Variants in FRMD6 observed in about 807,000 individuals in gnomAD.
FRMD6 encodes the protein FERM domain-containing protein 6.
Under a neutral mutation model 73.2 loss-of-function variants are expected in FRMD6, and 37 were observed. The ratio of observed to expected loss-of-function variants is 0.51; its 90% CI spans 0.39 to 0.66. The LOEUF (loss-of-function observed/expected upper bound fraction) is 0.66, where lower values mean the gene tolerates loss of function less well. FRMD6 is among the 30% of genes least tolerant of loss of function. The pLI is 0.00. For missense variants in FRMD6, 714 were observed against 780.5 expected, an observed-to-expected ratio of 0.91 and a Z score of 1.02; for synonymous variants, 273 against 282.2, an observed-to-expected ratio of 0.97 and a Z score of 0.33.
chr14:51,666,003 G>T (rs1893557516), intron 1 of FRMD6, among the ~76,000 whole-genome samples: 1 of 152,210 alleles, frequency 6.6e-6, no homozygotes, highest in African/African-American at 2.4e-5. Context: ...TTTATCAGCA[G>T]CATGAAAATG....
intron 4 of FRMD6, among the ~76,000 whole-genome samples, chr14:51,702,191 A>C (rs1274755384): frequency 2.6e-5 from 4 of 152,056 alleles, no homozygotes; most frequent in Admixed American, 2.6e-4. Context: ...AACAGAGCTG[A>C]GCGAGGAGCT....
At chr14:51,667,585 C>T (rs1893694190) in intron 1 of FRMD6, among the ~76,000 whole-genome samples, 1 of 152,112 alleles carries the variant, frequency 6.6e-6, no homozygotes, top group Non-Finnish European at 1.5e-5. Flanking sequence ...CATACTGAAA[C>T]AAAGGTCAGC....
intron 1 of FRMD6, among the ~76,000 whole-genome samples, chr14:51,521,740 G>C (rs1347405970): frequency 6.6e-6 from 1 of 151,678 alleles, no homozygotes; most frequent in African/African-American, 2.4e-5. Flanking sequence ...AGGCTAGCAG[G>C]GCTATATTGG....
At chr14:51,579,885 C>G (rs1043243128) in intron 2 of FRMD6, among the ~76,000 whole-genome samples, 1 of 152,194 alleles carries the variant, frequency 6.6e-6, no homozygotes, top group Non-Finnish European at 1.5e-5. Context: ...AACAATAAAA[C>G]TGTCTCTTCT....
chr14:51,718,422 T>C (rs1327596125), intron 10 of FRMD6, among the ~76,000 whole-genome samples: 1 of 152,236 alleles, frequency 6.6e-6, no homozygotes, highest in Admixed American at 6.5e-5. Context: ...AGGTCCACAG[T>C]TCCTAATTAT....
chr14:51,437,031 C>A, the FRMD6 span: 1 of 543,604 alleles, frequency 1.8e-6, no homozygotes, highest in Non-Finnish European at 3.2e-6. Flanking sequence ...TACATGTGCA[C>A]AACGTGCAAG....
At chr14:51,418,370 C>A in the FRMD6 span, among the ~76,000 whole-genome samples, 1 of 152,226 alleles carries the variant, frequency 6.6e-6, no homozygotes, top group Non-Finnish European at 1.5e-5. Flanking sequence ...GATGTTGATG[C>A]TGTTCCTTTC....
At chr14:51,583,108 T>G (rs1427456832) in intron 2 of FRMD6, among the ~76,000 whole-genome samples, 1 of 152,216 alleles carries the variant, frequency 6.6e-6, no homozygotes, top group Non-Finnish European at 1.5e-5. Context: ...GAAATTCTCA[T>G]TCCCAACTCT....
At position 51,720,705 on chromosome 14, in the gene FRMD6, C is replaced by G. The variant is rs144073470; in HGVS notation, c.1360+315C>G. 1.4e-4 allele frequency among the ~76,000 whole-genome samples: 22 copies of G among 152,276 alleles called. No homozygotes were observed. In the East Asian group the frequency reaches 3.7e-3, roughly 25 times the overall value. The stretch of plus-strand genomic sequence containing the variant: ...TTTCTGCTTCCCAGATTAAATAAAA[C>G]AGTGGTTAGGACAGCACAGTGGAGT... On this transcript the variant is annotated intron_variant, in intron 11 of 13. Coordinates refer to ENST00000344768, the MANE Select transcript of FRMD6 (RefSeq NM_001267046.2).
intron 1 of FRMD6, chr14:51,491,432 G>A (rs564667390): frequency 1.4e-4 from 21 of 152,262 alleles, no homozygotes; most frequent in African/African-American, 5.1e-4. Flanking sequence ...TCCTAGTTCT[G>A]GTGAAATATG....
At chr14:51,677,391 T>A (rs1456984649) in intron 1 of FRMD6, among the ~76,000 whole-genome samples, 1 of 152,000 alleles carries the variant, frequency 6.6e-6, no homozygotes, top group Admixed American at 6.6e-5. Flanking sequence ...GCAGTTCCTG[T>A]GTCAGAGGGA....
chr14:51,473,772 T>C, the FRMD6 span, among the ~76,000 whole-genome samples: 1 of 152,094 alleles, frequency 6.6e-6, no homozygotes, highest in South Asian at 2.1e-4. Context: ...CTCCCACTTA[T>C]TACTAAGGAC....
chr14:51,539,046 G>A (rs1262396494), intron 1 of FRMD6, among the ~76,000 whole-genome samples: 2 of 152,036 alleles, frequency 1.3e-5, no homozygotes, highest in Non-Finnish European at 2.9e-5. Flanking sequence ...TTGGACTCAG[G>A]TATTGGTTTT....
intron 1 of FRMD6, among the ~76,000 whole-genome samples, chr14:51,550,583 C>G (rs544362333): frequency 1.3e-5 from 2 of 149,664 alleles, no homozygotes; most frequent in African/African-American, 5.0e-5. Context: ...GGAGGAGACC[C>G]CCCCGCCATG....
chr14:51,451,615 A>G, the FRMD6 span, among the ~76,000 whole-genome samples: 1 of 152,164 alleles, frequency 6.6e-6, no homozygotes, highest in African/African-American at 2.4e-5. Flanking sequence ...TCCTGACCTC[A>G]AGTGATCTGC....
At chr14:51,444,786 G>A in the FRMD6 span, among the ~76,000 whole-genome samples, 1 of 152,104 alleles carries the variant, frequency 6.6e-6, no homozygotes, top group Non-Finnish European at 1.5e-5. Context: ...GCAACTGATA[G>A]GGGGCGGAGG....
At chr14:51,448,726 C>A in the FRMD6 span, among the ~76,000 whole-genome samples, 4 of 152,182 alleles carry the variant, frequency 2.6e-5, no homozygotes, top group Non-Finnish European at 5.9e-5. Context: ...GTTCAAAAAC[C>A]ATGGCCAAGC....
intron 2 of FRMD6, among the ~76,000 whole-genome samples, chr14:51,595,985 TCTG>T (rs1185183776): frequency 6.6e-6 from 1 of 152,250 alleles, no homozygotes; most frequent in African/African-American, 2.4e-5. Context: ...ATGTTTTACT[TCTG>T]CTGTTGAAAT....
At chr14:51,676,364 C>G (rs890954684) in intron 1 of FRMD6, among the ~76,000 whole-genome samples, 45 of 152,096 alleles carry the variant, frequency 3.0e-4, no homozygotes, top group African/African-American at 1.0e-3. Flanking sequence ...ATAAAAATTA[C>G]AAGAATTCAT....
Sources: allele counts gnomAD v4.1 joint callset (sites outside exome capture counted in the v4.1 genomes callset), GRCh38; gene constraint gnomAD v4.1.1; transcripts MANE v1.5; gene names NCBI Gene and HGNC (gene_info 2026-07-23, HGNC 2026-07-21).